Variants in MCPH1 observed in about 807,000 individuals in gnomAD.
MCPH1 encodes microcephalin 1, also known as microcephalin.
In MCPH1, 104 loss-of-function variants were observed where a neutral mutation model predicts 84.5. The observed-to-expected ratio is 1.23, with a 90% confidence interval of 1.05 to 1.45. The LOEUF (loss-of-function observed/expected upper bound fraction) is 1.45, where lower values mean the gene tolerates loss of function less well. Among genes scored for constraint, MCPH1 ranks in the 40% most tolerant of loss-of-function variants. The pLI is 0.00. For synonymous variants in MCPH1, 514 were observed against 366.8 expected, an observed-to-expected ratio of 1.40 and a Z score of -4.58; for missense variants, 1,498 against 1,005.7, an observed-to-expected ratio of 1.49 and a Z score of -6.62.
At chr8:6,498,717 C>A (rs1055169209) in intron 11 of MCPH1, among the ~76,000 whole-genome samples, 1 of 152,124 alleles carries the variant, frequency 6.6e-6, no homozygotes, top group Non-Finnish European at 1.5e-5. Flanking sequence ...CTGAAATGAA[C>A]TTGATTTTAA....
chr8:6,622,459 C>T (rs1408530448), intron 13 of MCPH1, among the ~76,000 whole-genome samples: 1 of 152,218 alleles, frequency 6.6e-6, no homozygotes. Context: ...AAATTACCTG[C>T]CCTGTGGTGG....
At chr8:6,599,616 G>C (rs928261688) in intron 12 of MCPH1, among the ~76,000 whole-genome samples, 2 of 152,224 alleles carry the variant, frequency 1.3e-5, no homozygotes, top group African/African-American at 2.4e-5. Flanking sequence ...AGGAAGTTCA[G>C]AAGCTTAGTA....
At chr8:6,586,680 G>T (rs977735523) in intron 12 of MCPH1, among the ~76,000 whole-genome samples, 1 of 152,194 alleles carries the variant, frequency 6.6e-6, no homozygotes, top group African/African-American at 2.4e-5. Flanking sequence ...GAGTATCAAG[G>T]GACAAAGCTG....
At position 6,477,626 on chromosome 8, in the gene MCPH1, A is replaced by G. The variant is rs909840841; in HGVS notation, c.1968A>G (p.Pro656=). ...GAACATTAGTCATGACAAGCATGCCATCTGAGTAAGTACTTGTTTTGATTT... is the reference window on the plus strand; with the variant it reads ...GAACATTAGTCATGACAAGCATGCCGTCTGAGTAAGTACTTGTTTTGATTT... The part of the protein sequence containing the change: ...PTRTLVMTSM[P]SEKQNVVIQV... The change falls in exon 10 of 14, where the codon CCA becomes CCG. Residue 656 remains proline, a synonymous_variant. Coordinates refer to ENST00000344683, the MANE Select transcript of MCPH1 (RefSeq NM_024596.5). 9 of 1,612,610 alleles carry G rather than the reference A, an allele frequency of 5.6e-6. No individual in the cohort carries two copies. The highest frequency in any genetic ancestry group is 4.4e-5 in the South Asian group (4 of 91,058).
intron 12 of MCPH1, among the ~76,000 whole-genome samples, chr8:6,517,848 G>C (rs1279810310): frequency 6.6e-6 from 1 of 152,194 alleles, no homozygotes; most frequent in Non-Finnish European, 1.5e-5. Flanking sequence ...GACTTACAGA[G>C]TCTTAAGTCT....
Position 6,524,859 on chromosome 8 carries a change from T to C in MCPH1, c.2214+24930T>C, listed in dbSNP as rs182051919. Among the ~76,000 whole-genome samples, 293 of 152,310 alleles carry C rather than the reference T, an allele frequency of 1.9e-3. 6 individuals carry two copies. The highest frequency in any genetic ancestry group is 6.9e-3 in the African/African-American group (285 of 41,576). On this transcript the variant is annotated intron_variant, in intron 12 of 13. Transcript: ENST00000344683. ...AAAATGGAGACCCTGAGAAGTCACC[T>C]TTGGTGTCACGAGCACCTTCAGGTG...
chr8:6,625,220 CAG>C, intron 13 of MCPH1: 1 of 985,430 alleles, frequency 1.0e-6, no homozygotes, highest in South Asian at 4.7e-5. Context: ...ATGTATAAAA[CAG>C]AGTCATAGCC....
At chr8:6,527,611 C>G in intron 12 of MCPH1, 1 of 1,613,720 alleles carries the variant, frequency 6.2e-7, no homozygotes, top group Non-Finnish European at 8.5e-7. Context: ...TCTGTTTTTC[C>G]AATTTGTTTG....
intron 12 of MCPH1, among the ~76,000 whole-genome samples, chr8:6,585,492 C>T (rs540378485): frequency 1.4e-4 from 22 of 152,370 alleles, no homozygotes; most frequent in African/African-American, 5.1e-4. Flanking sequence ...TTGTCGGCCG[C>T]CTCGAAAACA....
chr8:6,458,885 A>G (rs1352866292), intron 9 of MCPH1, among the ~76,000 whole-genome samples: 1 of 152,128 alleles, frequency 6.6e-6, no homozygotes, highest in African/African-American at 2.4e-5. Context: ...ACCTCAAGTG[A>G]TCTGCCTTCC....
chr8:6,406,746 C>T (rs372412607), intron 1 of MCPH1, 57 bp downstream of exon 1: 8 of 1,589,722 alleles, frequency 5.0e-6, no homozygotes, highest in African/African-American at 4.0e-5. Context: ...CGGCACCCCT[C>T]GTCGCGGGCG....
intron 3 of MCPH1, among the ~76,000 whole-genome samples, chr8:6,417,911 T>C (rs1364506069): frequency 6.6e-6 from 1 of 152,230 alleles, no homozygotes; most frequent in Non-Finnish European, 1.5e-5. Flanking sequence ...CTGGATTCTT[T>C]TCTATTGTCG....
chr8:6,615,114 G>C (rs1401814330), intron 12 of MCPH1, among the ~76,000 whole-genome samples: 2 of 152,198 alleles, frequency 1.3e-5, no homozygotes, highest in Admixed American at 6.5e-5. Context: ...GTTAGCTCTT[G>C]CAATTATTGC....
chr8:6,581,893 G>A (rs1438872715), intron 12 of MCPH1, among the ~76,000 whole-genome samples: 1 of 152,188 alleles, frequency 6.6e-6, no homozygotes, highest in East Asian at 1.9e-4. Flanking sequence ...CATGGCAGAA[G>A]GGGTGAGGGA....
In MCPH1 at chr8:6,612,973, G is replaced by A. The variant is rs115588384; in HGVS notation, c.2215-8481G>A. Among the ~76,000 whole-genome samples the A allele has an allele frequency of 8.2e-4, 125 of 152,328 alleles. 1 individual carries two copies. Among genetic ancestry groups the A allele is most frequent in the African/African-American group, 2.8e-3 (116 of 41,572 alleles). ...CATTTGTGTTCTTTGTTGTTGTGAC[G>A]GTTTTGAGCCAAAACATGACAAACG... On this transcript the variant is annotated intron_variant, in intron 12 of 13. Coordinates refer to ENST00000344683, the MANE Select transcript of MCPH1 (RefSeq NM_024596.5).
intron 12 of MCPH1, among the ~76,000 whole-genome samples, chr8:6,529,596 A>G (rs1218247854): frequency 2.0e-5 from 3 of 149,662 alleles, no homozygotes; most frequent in Non-Finnish European, 4.4e-5. Flanking sequence ...AACTGGGTCT[A>G]TAAGTGCACA....
At position 6,515,857 on chromosome 8, in the gene MCPH1, G is replaced by A. The variant is rs536384370; in HGVS notation, c.2214+15928G>A. 3.5e-4 allele frequency among the ~76,000 whole-genome samples: 53 copies of A among 152,326 alleles called. 2 individuals carry two copies. Among genetic ancestry groups the A allele is most frequent in the African/African-American group, 1.3e-3 (52 of 41,578 alleles). ...CACACTGTTCTCTGTTTACGAGTTA[G>A]AATCCTAAAGAGGAGAGCGAAAAGA... On this transcript the variant is annotated intron_variant, in intron 12 of 13. Coordinates refer to ENST00000344683, the MANE Select transcript of MCPH1 (RefSeq NM_024596.5).
chr8:6,464,217 T>G (rs372749518), intron 9 of MCPH1, among the ~76,000 whole-genome samples: 22 of 152,150 alleles, frequency 1.4e-4, no homozygotes, highest in Admixed American at 2.6e-4. Flanking sequence ...GATCTGTAAT[T>G]GCTTTGATAA....
chr8:6,575,406 T>C (rs1826992381), intron 12 of MCPH1, among the ~76,000 whole-genome samples: 2 of 152,188 alleles, frequency 1.3e-5, no homozygotes, highest in South Asian at 2.1e-4. Context: ...GATCATGGCA[T>C]GTTGTCCTGT....
Sources: gnomAD v4.1 joint callset for allele counts (sites outside exome capture counted in the v4.1 genomes callset) on GRCh38, gnomAD v4.1.1 for gene constraint, MANE v1.5 for transcripts, NCBI Gene and HGNC (gene_info 2026-07-23, HGNC 2026-07-21) for gene names.